The following HSDL2 variants were observed in gnomAD, a reference collection of about 807,000 sequenced individuals.
HSDL2 encodes hydroxysteroid dehydrogenase like 2.
A neutral mutation model predicts 46.3 loss-of-function variants in HSDL2; 27 were observed. The observed-to-expected ratio is 0.58, with a 90% CI of 0.43 to 0.80. The LOEUF (loss-of-function observed/expected upper bound fraction) is 0.80. HSDL2 is among the 30% of genes least tolerant of loss of function. The probability of loss-of-function intolerance (pLI) is 0.00; values close to 1 mark genes in which losing one functional copy is unlikely to be tolerated. For synonymous variants in HSDL2, 153 were observed against 163.6 expected (o/e 0.94, Z 0.50); for missense variants, 451 against 502.7 (o/e 0.90, Z 0.98).
chr9:112,413,290 C>T (rs961173612), intron 4 of HSDL2, among the ~76,000 whole-genome samples: 2 of 151,850 alleles, frequency 1.3e-5, no homozygotes, highest in Non-Finnish European at 2.9e-5. Flanking sequence ...ACCAGCCCGA[C>T]GAACATGGAG....
At chr9:112,441,030 T>TAATA (rs903624995) in intron 7 of HSDL2, among the ~76,000 whole-genome samples, 15 of 147,138 alleles carry the variant, frequency 1.0e-4, no homozygotes, top group South Asian at 2.2e-4. Flanking sequence ...AATAAATAAA[T>TAATA]AATAAATAAA....
chr9:112,428,505 T>A (rs752512497), intron 6 of HSDL2, among the ~76,000 whole-genome samples: 10 of 152,232 alleles, frequency 6.6e-5, no homozygotes, highest in South Asian at 4.1e-4. Flanking sequence ...TGGTGAGGCA[T>A]GAAATCAATT....
At chr9:112,458,933 A>C (rs1252462829) in intron 9 of HSDL2, among the ~76,000 whole-genome samples, 1 of 151,998 alleles carries the variant, frequency 6.6e-6, no homozygotes, top group Non-Finnish European at 1.5e-5. Context: ...GTGAGCCGAG[A>C]TCGCGCCACT....
chr9:112,432,536 T>A (rs1207240143), intron 6 of HSDL2, among the ~76,000 whole-genome samples: 1 of 152,224 alleles, frequency 6.6e-6, no homozygotes, highest in Non-Finnish European at 1.5e-5. Context: ...AAAGCTTATA[T>A]AATAGGCAGA....
chr9:112,397,748 T>C (rs867543758), intron 1 of HSDL2, among the ~76,000 whole-genome samples: 30 of 152,254 alleles, frequency 2.0e-4, no homozygotes, highest in Middle Eastern at 3.4e-3. Flanking sequence ...TTAGAACAGC[T>C]TTTGCCAAAA....
chr9:112,393,776 T>C (rs190879320), intron 1 of HSDL2, among the ~76,000 whole-genome samples: 16 of 152,372 alleles, frequency 1.1e-4, no homozygotes, highest in African/African-American at 3.8e-4. Context: ...ACATTACACT[T>C]TTCCTGAAGT....
At chr9:112,418,605 T>C (rs956776358) in intron 5 of HSDL2, among the ~76,000 whole-genome samples, 2 of 151,740 alleles carry the variant, frequency 1.3e-5, no homozygotes, top group African/African-American at 4.8e-5. Flanking sequence ...TATATATGTA[T>C]GTGTGTGTAT....
chr9:112,470,586 TA>T lies in HSDL2; in HGVS notation c.*49del. Reference sequence around the variant, plus strand: ...AAAGTCGACTGCTATGCTCAAAAAGTAAAAAAAGCTCAACAGTTAAAATCTA... The same window carrying T: ...AAAGTCGACTGCTATGCTCAAAAAGTAAAAAAGCTCAACAGTTAAAATCTA... On this transcript the variant is annotated 3_prime_UTR_variant, in exon 11 of 11. Transcript: ENST00000398805. 2 of 1,064,478 alleles carry T rather than the reference TA, an allele frequency of 1.9e-6. No individual in the cohort carries two copies. Among genetic ancestry groups the T allele is most frequent in the Non-Finnish European group, 2.8e-6 (2 of 714,750 alleles). The allele number at this position is 1,064,478 out of a possible 1,614,324, so 65.9% of individuals were successfully genotyped here. A position where few individuals can be genotyped will look rare whatever the true frequency, so the allele number is the denominator to read the frequency against.
At chr9:112,412,256 G>A (rs770464838) in intron 4 of HSDL2, among the ~76,000 whole-genome samples, 32 of 151,138 alleles carry the variant, frequency 2.1e-4, no homozygotes, top group Admixed American at 1.0e-3. Flanking sequence ...GGTATATGGC[G>A]TCAGGAGAAT....
chr9:112,457,112 C>T (rs1267986616), intron 9 of HSDL2, among the ~76,000 whole-genome samples: 2 of 151,976 alleles, frequency 1.3e-5, no homozygotes, highest in African/African-American at 2.4e-5. Context: ...CGCATCACTG[C>T]ACTCCAGCTT....
chr9:112,403,892 C>A, intron 1 of HSDL2, 103 bp from the exon 2 acceptor site: 1 of 1,246,482 alleles, frequency 8.0e-7, no homozygotes, highest in Non-Finnish European at 1.1e-6. Context: ...GAAAATTTCA[C>A]AGAGGAGGAA....
At chr9:112,424,936 CT>C (rs1832214295) in intron 6 of HSDL2, among the ~76,000 whole-genome samples, 2 of 151,928 alleles carry the variant, frequency 1.3e-5, no homozygotes, top group South Asian at 4.1e-4. Context: ...GCAGATTCTC[CT>C]AGTTTTTTTA....
At chr9:112,460,080 A>G (rs751341809) in intron 10 of HSDL2, among the ~76,000 whole-genome samples, 16 of 152,110 alleles carry the variant, frequency 1.1e-4, no homozygotes, top group Non-Finnish European at 2.2e-4. Context: ...TATTCTGTCC[A>G]TTTACCTCTA....
chr9:112,447,884 A>G (rs1021349909), intron 8 of HSDL2, among the ~76,000 whole-genome samples: 25 of 152,156 alleles, frequency 1.6e-4, no homozygotes, highest in Admixed American at 1.6e-3. Flanking sequence ...TAACTTTTGT[A>G]TGTTCTGTAT....
intron 1 of HSDL2, among the ~76,000 whole-genome samples, chr9:112,398,439 G>A (rs1356033610): frequency 6.6e-6 from 1 of 152,014 alleles, no homozygotes; most frequent in African/African-American, 2.4e-5. Context: ...GTCCGTGGGA[G>A]CTACAAGTAC....
intron 10 of HSDL2, among the ~76,000 whole-genome samples, chr9:112,465,962 A>G (rs928033650): frequency 1.3e-5 from 2 of 152,244 alleles, no homozygotes; most frequent in African/African-American, 4.8e-5. Context: ...AGAATTGCCA[A>G]AAGGTTTTTC....
chr9:112,452,853 G>A lies in HSDL2; in HGVS notation c.866-1160G>A, dbSNP rs903276132. Among the ~76,000 whole-genome samples, 43 of 152,234 alleles carry A rather than the reference G, an allele frequency of 2.8e-4. 1 individual carries two copies. The highest frequency in any genetic ancestry group is 2.8e-3 in the Admixed American group (43 of 15,286). On this transcript the variant is annotated intron_variant, in intron 8 of 10. Coordinates refer to ENST00000398805, the MANE Select transcript of HSDL2 (RefSeq NM_032303.5). ...CCCCTGGCTGATCATATGTTAAGTT[G>A]TTATAGCCAGTGGGTTAAGTGAATG...
At chr9:112,413,529 T>C (rs1360287246) in intron 4 of HSDL2, among the ~76,000 whole-genome samples, 1 of 152,204 alleles carries the variant, frequency 6.6e-6, no homozygotes, top group Non-Finnish European at 1.5e-5. Context: ...ATTTCTATTT[T>C]ATTTTATTTT....
intron 4 of HSDL2, among the ~76,000 whole-genome samples, chr9:112,412,587 A>C (rs775305594): frequency 1.3e-5 from 2 of 152,230 alleles, no homozygotes; most frequent in African/African-American, 2.4e-5. Flanking sequence ...TTTTATGTAG[A>C]TTTGTCAAAA....
Sources: gnomAD v4.1 joint callset for allele counts (sites outside exome capture counted in the v4.1 genomes callset) on GRCh38, gnomAD v4.1.1 for gene constraint, MANE v1.5 for transcripts, NCBI Gene and HGNC (gene_info 2026-07-23, HGNC 2026-07-21) for gene names.